ADAM18: variants seen among roughly 807,000 people sequenced by gnomAD.
ADAM18 encodes the protein disintegrin and metalloproteinase domain-containing protein 18.
A neutral mutation model predicts 94.4 loss-of-function variants in ADAM18; 117 were observed. That is an observed-to-expected ratio of 1.24 (90% CI 1.07 to 1.45). The LOEUF (loss-of-function observed/expected upper bound fraction) is 1.45. Ranked by LOEUF, ADAM18 falls within the 40% of genes most tolerant of loss-of-function variation. The pLI, the probability that ADAM18 is intolerant of heterozygous loss-of-function variation, is 0.00. For synonymous variants in ADAM18, 327 were observed against 291.6 expected (o/e 1.12, Z -1.24); for missense variants, 936 against 880.0 (o/e 1.06, Z -0.81).
Position 39,629,375 on chromosome 8 carries a change from TA to T in ADAM18, c.530del (p.Asn177IlefsTer15). 1 of 1,564,198 alleles carries T rather than the reference TA, an allele frequency of 6.4e-7. No homozygotes were observed. Among genetic ancestry groups the T allele is most frequent in the Admixed American group, 1.8e-5 (1 of 55,684 alleles). ...QPYKVPLNSQ[I>X]KNLSKLLPQY... ...AATCCCGTTGTTGTTGTTTTCCAGA[TA>T]AAAAATCTTTCAAAACTATTACCCC... is the stretch of plus-strand genomic sequence containing the variant. On this transcript the variant is annotated frameshift_variant and splice_region_variant, in exon 7 of 20. Transcript: ENST00000265707. LOFTEE classifies it high-confidence loss of function.
At chr8:39,661,447 T>C (rs1445133921) in intron 12 of ADAM18, among the ~76,000 whole-genome samples, 4 of 151,446 alleles carry the variant, frequency 2.6e-5, no homozygotes, top group Non-Finnish European at 4.4e-5. Flanking sequence ...GTGCTGAGAT[T>C]ACAGGCGTGA....
chr8:39,696,822 T>C (rs1464340331), intron 17 of ADAM18, among the ~76,000 whole-genome samples: 1 of 151,534 alleles, frequency 6.6e-6, no homozygotes, highest in Non-Finnish European at 1.5e-5. Flanking sequence ...TATTCTTTCT[T>C]TGAAAAAACT....
At chr8:39,586,748 AC>A (rs1818404781) in intron 2 of ADAM18, among the ~76,000 whole-genome samples, 2 of 147,104 alleles carry the variant, frequency 1.4e-5, no homozygotes, top group Admixed American at 6.9e-5. Flanking sequence ...AAACAAACAA[AC>A]AAAAAACTAT....
intron 12 of ADAM18, among the ~76,000 whole-genome samples, chr8:39,654,393 A>G (rs1449708202): frequency 2.0e-5 from 3 of 150,976 alleles, no homozygotes; most frequent in Admixed American, 2.0e-4. Context: ...TTATGGCTGA[A>G]TAATATTCTA....
intron 18 of ADAM18, among the ~76,000 whole-genome samples, chr8:39,713,876 G>A (rs1175703784): frequency 6.6e-6 from 1 of 152,212 alleles, no homozygotes; most frequent in Non-Finnish European, 1.5e-5. Flanking sequence ...GTGGAAGTCA[G>A]TGTGGCGATT....
chr8:39,655,631 T>C (rs1206335160), intron 12 of ADAM18, among the ~76,000 whole-genome samples: 1 of 152,106 alleles, frequency 6.6e-6, no homozygotes, highest in East Asian at 1.9e-4. Context: ...TATTATTGAA[T>C]GTGATAAACT....
At chr8:39,700,441 A>G (rs144654763) in intron 17 of ADAM18, among the ~76,000 whole-genome samples, 126 of 152,100 alleles carry the variant, frequency 8.3e-4, no homozygotes, top group Non-Finnish European at 1.5e-3. Flanking sequence ...TCACAAAGCA[A>G]TTCTCTCACT....
intron 15 of ADAM18, among the ~76,000 whole-genome samples, chr8:39,677,976 T>C (rs1416529546): frequency 6.6e-6 from 1 of 152,198 alleles, no homozygotes; most frequent in Non-Finnish European, 1.5e-5. Flanking sequence ...TATCTATTAA[T>C]AACTAAATTC....
At chr8:39,665,671 A>G (rs544696119) in intron 13 of ADAM18, among the ~76,000 whole-genome samples, 2 of 152,312 alleles carry the variant, frequency 1.3e-5, no homozygotes, top group African/African-American at 4.8e-5. Flanking sequence ...CCTTTTAAAA[A>G]TCATTTAAAT....
chr8:39,711,529 T>C (rs985234903), intron 18 of ADAM18, among the ~76,000 whole-genome samples: 1 of 151,962 alleles, frequency 6.6e-6, no homozygotes, highest in African/African-American at 2.4e-5. Flanking sequence ...AAAACATGTA[T>C]GGACAAAATG....
Position 39,609,471 on chromosome 8 carries a change from A to G in ADAM18, c.268-14A>G. On this transcript the variant is annotated splice_polypyrimidine_tract_variant and intron_variant, in intron 4 of 19. Coordinates refer to ENST00000265707, the MANE Select transcript of ADAM18 (RefSeq NM_014237.3). Reference sequence around the variant, plus strand: ...AACGAATTTATATACTTGCCTTTCTATACTGTTTTTCAGATGCATTGCCAT... The same window carrying G: ...AACGAATTTATATACTTGCCTTTCTGTACTGTTTTTCAGATGCATTGCCAT... 10 of 1,600,590 alleles carry G rather than the reference A, an allele frequency of 6.2e-6. No homozygotes were observed. The highest frequency in any genetic ancestry group is 7.7e-6 in the Non-Finnish European group (9 of 1,169,242).
intron 6 of ADAM18, among the ~76,000 whole-genome samples, chr8:39,629,079 G>T (rs1396091907): frequency 6.6e-6 from 1 of 151,566 alleles, no homozygotes; most frequent in Non-Finnish European, 1.5e-5. Flanking sequence ...TGTTCAAAGT[G>T]TAGAGTTGTC....
At chr8:39,624,786 T>TTAAAA (rs1819715676) in intron 6 of ADAM18, among the ~76,000 whole-genome samples, 1 of 152,122 alleles carries the variant, frequency 6.6e-6, no homozygotes, top group Admixed American at 6.6e-5. Flanking sequence ...TGTTTAAAAG[T>TTAAAA]GTGTAGCACC....
chr8:39,596,095 T>C (rs1169817636), intron 2 of ADAM18, among the ~76,000 whole-genome samples: 1 of 152,140 alleles, frequency 6.6e-6, no homozygotes, highest in African/African-American at 2.4e-5. Context: ...GAGAAGAAAG[T>C]ACAGAATCTT....
intron 17 of ADAM18, among the ~76,000 whole-genome samples, chr8:39,694,628 G>T (rs144617906): frequency 6.6e-6 from 1 of 151,336 alleles, no homozygotes; most frequent in East Asian, 1.9e-4. Context: ...TCAGAGCAAC[G>T]TTTGGTTTAC....
chr8:39,596,102 T>TC (rs1818733776), intron 2 of ADAM18, among the ~76,000 whole-genome samples: 1 of 152,196 alleles, frequency 6.6e-6, no homozygotes, highest in African/African-American at 2.4e-5. Flanking sequence ...AAGTACAGAA[T>TC]CTTTCAGCTT....
intron 16 of ADAM18, among the ~76,000 whole-genome samples, chr8:39,686,384 CT>C (rs1408739526): frequency 6.6e-6 from 1 of 152,150 alleles, no homozygotes; most frequent in Non-Finnish European, 1.5e-5. Flanking sequence ...CTGGTTAGGA[CT>C]CATTATCTGC....
rs538610901 is a variant in ADAM18, at chr8:39,616,397, A to G, written c.522+5691A>G. Among the ~76,000 whole-genome samples, 8 of 152,298 alleles carry G rather than the reference A, an allele frequency of 5.3e-5. No homozygotes were observed. In the East Asian group the frequency reaches 1.5e-3, roughly 29 times the overall value. On this transcript the variant is annotated intron_variant, in intron 6 of 19. Coordinates refer to ENST00000265707, the MANE Select transcript of ADAM18 (RefSeq NM_014237.3). ...TGCACTCCAGCTTGGGTGACAGAAC[A>G]AGACTCCTTCTCAAAAAGAAAAAAA...
intron 17 of ADAM18, among the ~76,000 whole-genome samples, chr8:39,697,859 C>T (rs997177342): frequency 6.6e-6 from 1 of 151,702 alleles, no homozygotes; most frequent in African/African-American, 2.4e-5. Context: ...TGAGGAACAC[C>T]TGCTTTTAAT....
Sources: allele counts gnomAD v4.1 joint callset (sites outside exome capture counted in the v4.1 genomes callset), GRCh38; gene constraint gnomAD v4.1.1; transcripts MANE v1.5; gene names NCBI Gene and HGNC (gene_info 2026-07-23, HGNC 2026-07-21).